The following ERC2 variants were observed in gnomAD, a reference collection of about 807,000 sequenced individuals.
ERC2 encodes the protein ERC protein 2.
ERC2 carries 42 observed loss-of-function variants against 114.8 expected under a neutral mutation model. The observed-to-expected ratio is 0.37, with a 90% CI of 0.29 to 0.47. The LOEUF is 0.47. Ranked by LOEUF, ERC2 falls within the 20% of genes least tolerant of loss-of-function variation. The pLI, the probability that ERC2 is intolerant of heterozygous loss-of-function variation, is 0.99. For synonymous variants in ERC2, 454 were observed against 425.5 expected, an observed-to-expected ratio of 1.07 and a Z score of -0.82; for missense variants, 939 against 1,150.7, an observed-to-expected ratio of 0.82 and a Z score of 2.66.
chr3:56,434,970 C>T lies in ERC2; in HGVS notation c.38G>A (p.Gly13Asp). 6.2e-7 allele frequency: 1 copy of T among 1,612,644 alleles called. No homozygotes were observed. Among genetic ancestry groups the T allele is most frequent in the Non-Finnish European group, 8.5e-7 (1 of 1,179,778 alleles). Residue 13 changes from glycine (G) to aspartate (D), a missense_variant, in exon 2 of 18, where the codon GGT (glycine) becomes GAT (aspartate). Gly to Asp is a moderately conservative substitution (Grantham distance 94). This residue lies in a region of ERC2 where 281 missense variants were observed against 307.4 expected (regional missense o/e 0.91). Transcript: ENST00000288221. The part of the protein sequence containing the change: ...GSARTITNLE[G>D]SPSRSPRLPR... ...CAAACGAGGGGATCTGGAAGGGCTA[C>T]CTTCCAGATTGGTGATTGTTCTTGC...
intron 17 of ERC2, among the ~76,000 whole-genome samples, chr3:55,536,732 C>A (rs749355964): frequency 6.6e-6 from 1 of 152,202 alleles, no homozygotes; most frequent in Non-Finnish European, 1.5e-5. Context: ...AGGGTAGGAG[C>A]CCCTACCATC....
At chr3:55,530,694 C>T (rs377766959) in intron 17 of ERC2, among the ~76,000 whole-genome samples, 2 of 152,182 alleles carry the variant, frequency 1.3e-5, no homozygotes, top group African/African-American at 4.8e-5. Context: ...TAGGCTGGGG[C>T]CTCAAGAGCT....
intron 4 of ERC2, among the ~76,000 whole-genome samples, chr3:56,167,925 C>T (rs769953543): frequency 5.9e-5 from 9 of 152,156 alleles, no homozygotes; most frequent in Non-Finnish European, 7.4e-5. Flanking sequence ...TACAGCTCTG[C>T]ACCTTTCCAA....
intron 12 of ERC2, chr3:55,955,166 A>G (rs1559928101): frequency 1.9e-6 from 1 of 516,810 alleles, no homozygotes; most frequent in Non-Finnish European, 3.9e-6. Flanking sequence ...ACACCAGTCT[A>G]TAAAAACAGT....
chr3:55,908,634 C>G (rs1199526232), intron 13 of ERC2, among the ~76,000 whole-genome samples: 1 of 152,142 alleles, frequency 6.6e-6, no homozygotes, highest in Non-Finnish European at 1.5e-5. Flanking sequence ...GCCGGTCACT[C>G]TCTTCCCCTC....
intron 4 of ERC2, among the ~76,000 whole-genome samples, chr3:56,166,293 C>T (rs2082321910): frequency 1.3e-5 from 2 of 152,020 alleles, no homozygotes; most frequent in African/African-American, 4.8e-5. Flanking sequence ...ATATTTTCTA[C>T]CATCAGTGTT....
At chr3:55,904,196 C>T (rs1314724049) in intron 13 of ERC2, among the ~76,000 whole-genome samples, 2 of 152,198 alleles carry the variant, frequency 1.3e-5, no homozygotes, top group African/African-American at 2.4e-5. Context: ...GGTGGCACAA[C>T]ATTTTTGCCC....
chr3:55,815,052 G>C (rs1174829903), intron 14 of ERC2, among the ~76,000 whole-genome samples: 5 of 152,096 alleles, frequency 3.3e-5, no homozygotes, highest in African/African-American at 1.2e-4. Flanking sequence ...TGTTTAGTCT[G>C]TCTCCACCAA....
intron 2 of ERC2, among the ~76,000 whole-genome samples, chr3:56,378,037 C>T (rs187494758): frequency 1.3e-5 from 2 of 152,196 alleles, no homozygotes; most frequent in East Asian, 1.9e-4. Context: ...TTGAAGGGAG[C>T]AGATCGCCCG....
At chr3:56,108,445 A>T (rs948412889) in intron 6 of ERC2, among the ~76,000 whole-genome samples, 2 of 152,158 alleles carry the variant, frequency 1.3e-5, no homozygotes, top group Admixed American at 1.3e-4. Flanking sequence ...AAATTTAAAT[A>T]ACCAATAATT....
At chr3:56,452,701 G>T (rs917589261) in intron 1 of ERC2, among the ~76,000 whole-genome samples, 1 of 152,152 alleles carries the variant, frequency 6.6e-6, no homozygotes, top group African/African-American at 2.4e-5. Flanking sequence ...CTGGATTTGA[G>T]ACCTGAATCT....
intron 1 of ERC2, among the ~76,000 whole-genome samples, chr3:56,444,906 A>G (rs1485565048): frequency 6.6e-6 from 1 of 152,300 alleles, no homozygotes; most frequent in East Asian, 1.9e-4. Flanking sequence ...TACTAATTCT[A>G]AAAACCTTTC....
intron 1 of ERC2, among the ~76,000 whole-genome samples, chr3:56,445,898 G>A (rs909801927): frequency 4.6e-5 from 7 of 151,678 alleles, no homozygotes; most frequent in African/African-American, 7.3e-5. Context: ...CTCTCAAAGC[G>A]TAATGCTTTT....
intron 14 of ERC2, among the ~76,000 whole-genome samples, chr3:55,742,287 T>C (rs1017798895): frequency 6.6e-6 from 1 of 152,174 alleles, no homozygotes; most frequent in Non-Finnish European, 1.5e-5. Context: ...TTTGTAAACA[T>C]TTCTACTTCA....
chr3:56,385,205 T>C (rs2106771628), intron 2 of ERC2, among the ~76,000 whole-genome samples: 1 of 152,072 alleles, frequency 6.6e-6, no homozygotes, highest in Middle Eastern at 3.4e-3. Context: ...AAGTCCAAGA[T>C]CAAGGTGCCA....
intron 14 of ERC2, among the ~76,000 whole-genome samples, chr3:55,748,328 A>G (rs770747202): frequency 5.3e-5 from 8 of 152,182 alleles, no homozygotes; most frequent in Non-Finnish European, 7.3e-5. Flanking sequence ...CAGTTCATCA[A>G]TTTCTCCAAC....
chr3:55,757,959 C>A (rs949695106), intron 14 of ERC2, among the ~76,000 whole-genome samples: 4 of 151,956 alleles, frequency 2.6e-5, no homozygotes, highest in African/African-American at 9.7e-5. Flanking sequence ...ATTTATACCT[C>A]TGAGTTCTTA....
intron 3 of ERC2, among the ~76,000 whole-genome samples, chr3:56,214,327 C>T (rs13083226): frequency 0.47 from 69,373 of 148,308 alleles, 16,909 homozygotes; most frequent in East Asian, 0.74. Flanking sequence ...AACTACAGCA[C>T]GAGAACTACG....
intron 3 of ERC2, among the ~76,000 whole-genome samples, chr3:56,185,394 T>A (rs935829996): frequency 6.6e-6 from 1 of 152,226 alleles, no homozygotes; most frequent in African/African-American, 2.4e-5. Flanking sequence ...CTACCACCAT[T>A]ATCTATTGAG....
Sources: gnomAD v4.1 joint callset for allele counts (sites outside exome capture counted in the v4.1 genomes callset) on GRCh38, gnomAD v4.1.1 for gene constraint, gnomAD v4.1.1 regional missense constraint, MANE v1.5 for transcripts, NCBI Gene and HGNC (gene_info 2026-07-23, HGNC 2026-07-21) for gene names.